Variants in GTF3C6 observed in about 807,000 individuals in gnomAD.
The protein encoded by GTF3C6 is general transcription factor 3C polypeptide 6.
A neutral mutation model predicts 19.2 loss-of-function variants in GTF3C6; 11 were observed. The observed-to-expected ratio is 0.57, with a 90% confidence interval of 0.36 to 0.95. The LOEUF is 0.95. GTF3C6 is among the 40% of genes least tolerant of loss of function. GTF3C6 has a pLI of 0.01. For synonymous variants in GTF3C6, 87 were observed against 84.2 expected (o/e 1.03, Z -0.18); for missense variants, 222 against 254.7 (o/e 0.87, Z 0.87).
chr6:110,961,229 C>T (rs1285830110), intron 4 of GTF3C6, among the ~76,000 whole-genome samples: 1 of 150,930 alleles, frequency 6.6e-6, no homozygotes, highest in African/African-American at 2.4e-5. Flanking sequence ...TGGCTCACTG[C>T]AACCTCCACC....
intron 4 of GTF3C6, among the ~76,000 whole-genome samples, chr6:110,961,662 A>G (rs1179960780): frequency 6.6e-6 from 1 of 152,134 alleles, no homozygotes; most frequent in Non-Finnish European, 1.5e-5. Context: ...TCAGGCTTTC[A>G]TGATTGAGAA....
intron 5 of GTF3C6, among the ~76,000 whole-genome samples, chr6:110,963,755 A>T (rs1771194045): frequency 6.9e-6 from 1 of 145,310 alleles, no homozygotes; most frequent in Non-Finnish European, 1.5e-5. Flanking sequence ...AGGCTGGAGT[A>T]CAGTGGAGCC....
chr6:110,960,842 G>A (rs111552721), intron 4 of GTF3C6, among the ~76,000 whole-genome samples: 1,683 of 152,048 alleles, frequency 0.011, 29 homozygotes, highest in African/African-American at 0.039. Context: ...CTTGAGGCCA[G>A]GAGTTCGAGA....
chr6:110,960,677 A>T (rs201478401), intron 4 of GTF3C6, 61 bp downstream of exon 4: 18 of 1,188,874 alleles, frequency 1.5e-5, no homozygotes, highest in South Asian at 2.4e-5. Context: ...CTTAAGCATA[A>T]TAAATATCTC....
At chr6:110,960,335 T>A in intron 2 of GTF3C6, 79 bp from the exon 3 acceptor site, 1 of 1,273,308 alleles carries the variant, frequency 7.9e-7, no homozygotes, top group Admixed American at 2.6e-5. Context: ...TGGAGATTAG[T>A]TTCCTTGGTA....
chr6:110,965,229 G>T (rs1771216288), intron 5 of GTF3C6, among the ~76,000 whole-genome samples: 1 of 149,168 alleles, frequency 6.7e-6, no homozygotes, highest in South Asian at 2.1e-4. Context: ...TCCTGCCTCA[G>T]CCTCCCAAAG....
intron 5 of GTF3C6, 99 bp downstream of exon 5, chr6:110,962,604 T>C (rs1023097881): frequency 1.5e-6 from 1 of 679,468 alleles, no homozygotes; most frequent in Non-Finnish European, 2.6e-6. Flanking sequence ...GTAATAACTA[T>C]ACATGATTTT....
intron 5 of GTF3C6, among the ~76,000 whole-genome samples, chr6:110,963,088 A>G (rs1295743642): frequency 2.0e-5 from 3 of 151,842 alleles, no homozygotes; most frequent in Non-Finnish European, 4.4e-5. Context: ...ACGCCCGGCT[A>G]ATTTTTTTTA....
At chr6:110,961,214 A>C (rs1468495275) in intron 4 of GTF3C6, among the ~76,000 whole-genome samples, 2 of 149,210 alleles carry the variant, frequency 1.3e-5, no homozygotes, top group Non-Finnish European at 3.0e-5. Flanking sequence ...GCAGTGGTGC[A>C]ATCTTGGCTC....
chr6:110,959,519 G>A (rs1291723378), intron 2 of GTF3C6, among the ~76,000 whole-genome samples: 1 of 152,148 alleles, frequency 6.6e-6, no homozygotes, highest in African/African-American at 2.4e-5. Flanking sequence ...GAAAGTTACA[G>A]ATTTGGAGGA....
chr6:110,961,377 C>T (rs1771158435), intron 4 of GTF3C6, among the ~76,000 whole-genome samples: 3 of 152,108 alleles, frequency 2.0e-5, no homozygotes, highest in African/African-American at 7.2e-5. Context: ...TCTCAAACTC[C>T]TGACCTCAAG....
chr6:110,958,879 T>C, intron 1 of GTF3C6, 53 bp downstream of exon 1: 1 of 1,522,420 alleles, frequency 6.6e-7, no homozygotes, highest in Admixed American at 2.0e-5. Flanking sequence ...ATGCCTGTGC[T>C]GGCTGTGTGT....
At chr6:110,962,922 G>GTGGGA in intron 5 of GTF3C6, among the ~76,000 whole-genome samples, 1 of 152,268 alleles carries the variant, frequency 6.6e-6, no homozygotes, top group East Asian at 1.9e-4. Context: ...GGGACTACAG[G>GTGGGA]CACGCACCAC....
At chr6:110,961,832 C>T (rs1306258345) in intron 4 of GTF3C6, among the ~76,000 whole-genome samples, 3 of 152,156 alleles carry the variant, frequency 2.0e-5, no homozygotes, top group African/African-American at 7.2e-5. Context: ...TAATCTCACT[C>T]ATAACTCTGT....
Position 110,958,806 on chromosome 6 carries a change from G to A in GTF3C6, c.37G>A (p.Gly13Arg), listed in dbSNP as rs1028430973. The A allele has an allele frequency of 6.4e-6, 10 of 1,551,228 alleles. No homozygotes were observed. The Admixed American group carries it at 1.8e-4, about 27-fold the overall frequency. ...GGCGGACGAGCGGAGTCCAGAGGAC[G>A]GAGAAGACGAGGAAGAGGAGGTAGT... ...AAADERSPED[G>R]EDEEEEEQLV... The change falls in exon 1 of 6, where the codon GGA becomes AGA. Residue 13 changes from glycine to arginine, a missense_variant. Coordinates refer to ENST00000329970, the MANE Select transcript of GTF3C6 (RefSeq NM_138408.4).
chr6:110,962,569 G>C (rs370733412), intron 5 of GTF3C6, 64 bp downstream of exon 5: 2 of 871,560 alleles, frequency 2.3e-6, no homozygotes. Context: ...ATACATTGAT[G>C]CCAGGATAGT....
At chr6:110,963,701 G>T (rs1771193153) in intron 5 of GTF3C6, among the ~76,000 whole-genome samples, 1 of 143,534 alleles carries the variant, frequency 7.0e-6, no homozygotes, top group African/African-American at 2.6e-5. Flanking sequence ...GGAAAAAGCT[G>T]GCTTTTTTTT....
chr6:110,959,368 T>A, intron 2 of GTF3C6, 116 bp downstream of exon 2: 1 of 687,072 alleles, frequency 1.5e-6, no homozygotes, highest in Non-Finnish European at 2.6e-6. Context: ...TACAAAGTAG[T>A]GAACTCTAAG....
chr6:110,962,374 T>G lies in GTF3C6; in HGVS notation c.248-18T>G. 1 of 1,249,404 alleles carries G rather than the reference T, an allele frequency of 8.0e-7. No homozygotes were observed. The highest frequency in any genetic ancestry group is 1.2e-6 in the Non-Finnish European group (1 of 851,330). 77.4% of individuals were successfully genotyped at this position (1,249,404 alleles called of 1,614,324 possible). A position where few individuals can be genotyped will look rare whatever the true frequency, so the allele number is the denominator to read the frequency against. On this transcript the variant is annotated intron_variant, in intron 4 of 5. Transcript: ENST00000329970. The stretch of plus-strand genomic sequence containing the variant: ...GATGGCATAAGAAGTATAATAATGT[T>G]GTTCATTTCTGTTCCAGCTGATACA...
Sources: allele counts gnomAD v4.1 joint callset (sites outside exome capture counted in the v4.1 genomes callset), GRCh38; gene constraint gnomAD v4.1.1; transcripts MANE v1.5; gene names NCBI Gene and HGNC (gene_info 2026-07-23, HGNC 2026-07-21).